Variants in SCYL2 observed in about 807,000 individuals in gnomAD.
SCYL2 encodes SCY1-like protein 2.
In SCYL2, 36 loss-of-function variants were observed where a neutral mutation model predicts 100.4. The observed-to-expected ratio is 0.36, with a 90% confidence interval of 0.27 to 0.47. The LOEUF (loss-of-function observed/expected upper bound fraction) is 0.47. SCYL2 is among the 20% of genes least tolerant of loss of function. SCYL2 has a pLI of 1.00. For synonymous variants in SCYL2, 330 were observed against 359.2 expected (o/e 0.92, Z 0.92); for missense variants, 902 against 1,083.9 (o/e 0.83, Z 2.36).
intron 10 of SCYL2, among the ~76,000 whole-genome samples, chr12:100,322,356 G>C (rs1216822106): frequency 5.2e-5 from 6 of 115,292 alleles, no homozygotes; most frequent in African/African-American, 2.0e-4. Context: ...CTGGGCGACA[G>C]AGCGAGACTC....
At chr12:100,274,268 CAT>C (rs779549594) in intron 1 of SCYL2, among the ~76,000 whole-genome samples, 104 of 152,316 alleles carry the variant, frequency 6.8e-4, no homozygotes, top group African/African-American at 2.1e-3. Context: ...TTTTGAATAA[CAT>C]GTGCTCCTCT....
chr12:100,289,508 C>T (rs1041806883), intron 2 of SCYL2, among the ~76,000 whole-genome samples: 12 of 152,308 alleles, frequency 7.9e-5, no homozygotes, highest in Admixed American at 4.6e-4. Context: ...ATGCTTGGCA[C>T]ATATAAATAC....
In SCYL2 at chr12:100,339,557, A is replaced by G. The variant is rs1196372365; in HGVS notation, c.*385A>G. On this transcript the variant is annotated 3_prime_UTR_variant, in exon 18 of 18. Coordinates refer to ENST00000360820, the MANE Select transcript of SCYL2 (RefSeq NM_017988.6). ...ATTGCAAGCTCATCTATTAAGTACT[A>G]TATGGTACACAGTCTATGAGTCATT... The G allele has an allele frequency of 6.0e-5, 13 of 215,034 alleles. No individual in the cohort carries two copies. Among genetic ancestry groups the G allele is most frequent in the Non-Finnish European group, 9.3e-5 (10 of 107,664 alleles). 13.3% of individuals were successfully genotyped at this position (215,034 alleles called of 1,614,324 possible).
intron 1 of SCYL2, among the ~76,000 whole-genome samples, chr12:100,276,537 T>C (rs2096292660): frequency 6.6e-6 from 1 of 152,056 alleles, no homozygotes; most frequent in African/African-American, 2.4e-5. Flanking sequence ...AGGGTCTCCT[T>C]ATGTTGCTCG....
chr12:100,282,211 G>C (rs1013980078), intron 1 of SCYL2, among the ~76,000 whole-genome samples: 2 of 148,174 alleles, frequency 1.3e-5, no homozygotes, highest in Non-Finnish European at 3.0e-5. Flanking sequence ...TTTTTGTAGA[G>C]ATGGTTTTTC....
chr12:100,305,714 TG>T (rs1352040242), intron 4 of SCYL2, among the ~76,000 whole-genome samples: 1 of 137,776 alleles, frequency 7.3e-6, no homozygotes, highest in African/African-American at 2.8e-5. Context: ...ATCTAGGAGC[TG>T]GTTTTTTTTT....
At chr12:100,279,368 C>T (rs1250535917) in intron 1 of SCYL2, among the ~76,000 whole-genome samples, 1 of 152,248 alleles carries the variant, frequency 6.6e-6, no homozygotes, top group Non-Finnish European at 1.5e-5. Context: ...TACCGCTCAC[C>T]TCCTGCTCTG....
At chr12:100,296,014 C>T (rs530700383) in intron 3 of SCYL2, among the ~76,000 whole-genome samples, 1 of 152,302 alleles carries the variant, frequency 6.6e-6, no homozygotes, top group South Asian at 2.1e-4. Context: ...TGCAGAATTA[C>T]ATGTCTTATA....
intron 1 of SCYL2, among the ~76,000 whole-genome samples, chr12:100,269,493 A>T (rs2096284909): frequency 6.6e-6 from 1 of 150,460 alleles, no homozygotes; most frequent in Middle Eastern, 3.2e-3. Context: ...CCTGATGTGT[A>T]AGTGCTGAAT....
intron 1 of SCYL2, among the ~76,000 whole-genome samples, chr12:100,272,593 C>T (rs1454460832): frequency 6.6e-6 from 1 of 152,164 alleles, no homozygotes; most frequent in Non-Finnish European, 1.5e-5. Context: ...ATCTGAGTGT[C>T]ATTCAGGCAG....
At chr12:100,304,590 C>T (rs1291823705) in intron 4 of SCYL2, among the ~76,000 whole-genome samples, 1 of 152,112 alleles carries the variant, frequency 6.6e-6, no homozygotes. Context: ...TGGGCTGCAC[C>T]CACTGTCTAC....
chr12:100,287,075 A>G (rs555630462), intron 2 of SCYL2, among the ~76,000 whole-genome samples: 3 of 152,284 alleles, frequency 2.0e-5, no homozygotes, highest in South Asian at 4.2e-4. Context: ...GGGGGTCCAT[A>G]AAATAGAGAT....
At chr12:100,323,434 A>G (rs1038055873) in intron 10 of SCYL2, 91 bp from the exon 11 acceptor site, 1 of 739,152 alleles carries the variant, frequency 1.4e-6, no homozygotes, top group South Asian at 1.6e-5. Context: ...AAACTATATG[A>G]CAGTTTAGCC....
chr12:100,283,621 A>G (rs1592932176), intron 2 of SCYL2, among the ~76,000 whole-genome samples: 1 of 152,232 alleles, frequency 6.6e-6, no homozygotes, highest in Non-Finnish European at 1.5e-5. Flanking sequence ...ACTGTTTTCA[A>G]AAGTCTTTTA....
intron 1 of SCYL2, among the ~76,000 whole-genome samples, chr12:100,274,634 T>G (rs2096290852): frequency 6.6e-6 from 1 of 152,162 alleles, no homozygotes; most frequent in African/African-American, 2.4e-5. Flanking sequence ...CCCACAAAAT[T>G]TTTTTACACC....
At position 100,339,390 on chromosome 12, in the gene SCYL2, CT is replaced by C. The variant is rs1952325092; in HGVS notation, c.*220del. 6 of 483,116 alleles carry C rather than the reference CT, an allele frequency of 1.2e-5. No homozygotes were observed. Among genetic ancestry groups the C allele is most frequent in the Non-Finnish European group, 1.8e-5 (5 of 277,910 alleles). 29.9% of individuals were successfully genotyped at this position (483,116 alleles called of 1,614,324 possible). ...GGATTTTTTCCTCTTACCAACTCCT[CT>C]TCAGGTTTTTAAAGACCCAGCCCTT... On this transcript the variant is annotated 3_prime_UTR_variant, in exon 18 of 18. Transcript: ENST00000360820.
At chr12:100,310,094 G>C (rs1211359720) in intron 4 of SCYL2, among the ~76,000 whole-genome samples, 1 of 151,992 alleles carries the variant, frequency 6.6e-6, no homozygotes, top group East Asian at 1.9e-4. Flanking sequence ...CACTTCCCAG[G>C]TTCAAGTGAT....
At chr12:100,282,288 C>T (rs1321545036) in intron 1 of SCYL2, among the ~76,000 whole-genome samples, 1 of 140,792 alleles carries the variant, frequency 7.1e-6, no homozygotes, top group Non-Finnish European at 1.6e-5. Flanking sequence ...GCCTCCCAAA[C>T]CCCACAAACC....
At chr12:100,283,745 G>A (rs966365642) in intron 2 of SCYL2, among the ~76,000 whole-genome samples, 4 of 152,106 alleles carry the variant, frequency 2.6e-5, no homozygotes, top group African/African-American at 4.8e-5. Context: ...CTACTTTTCC[G>A]AAGTTAGCTT....
Sources: gnomAD v4.1 joint callset for allele counts (sites outside exome capture counted in the v4.1 genomes callset) on GRCh38, gnomAD v4.1.1 for gene constraint, MANE v1.5 for transcripts, NCBI Gene and HGNC (gene_info 2026-07-23, HGNC 2026-07-21) for gene names.